Variants in PTPRD observed in about 807,000 individuals in gnomAD.
PTPRD encodes the protein receptor-type tyrosine-protein phosphatase delta.
In PTPRD, 34 loss-of-function variants were observed where a neutral mutation model predicts 214.5. That is an observed-to-expected ratio of 0.16 (90% confidence interval 0.12 to 0.21). The LOEUF is 0.21. Among genes scored for constraint, PTPRD ranks in the 10% least tolerant of loss-of-function variants. The probability of loss-of-function intolerance (pLI) is 1.00; values close to 1 mark genes in which losing one functional copy is unlikely to be tolerated. For synonymous variants in PTPRD, 1,128 were observed against 845.7 expected (o/e 1.33, Z -5.79); for missense variants, 2,545 against 2,398.7 (o/e 1.06, Z -1.27).
intron 12 of PTPRD, among the ~76,000 whole-genome samples, chr9:8,689,245 G>C (rs982667469): frequency 1.3e-5 from 2 of 152,168 alleles, no homozygotes; most frequent in Non-Finnish European, 2.9e-5. Context: ...TGTGTGGATA[G>C]AAAGATGAAA....
chr9:10,164,716 A>G (rs917622185), intron 3 of PTPRD, among the ~76,000 whole-genome samples: 4 of 151,684 alleles, frequency 2.6e-5, no homozygotes, highest in African/African-American at 9.7e-5. Context: ...TACACAAAAG[A>G]GTATATTTTA....
In PTPRD at chr9:9,367,874, T is replaced by C. The variant is rs561002548; in HGVS notation, c.-203+29575A>G. The stretch of plus-strand genomic sequence containing the variant: ...GTATTCTGTTCCTAGAATAAGATAA[T>C]AGAGGTCTATTTTCTGTCTCTTCCA... On this transcript the variant is annotated intron_variant, in intron 9 of 45. Transcript: ENST00000381196. Among the ~76,000 whole-genome samples, 29 of 151,822 alleles carry C rather than the reference T, an allele frequency of 1.9e-4. No homozygotes were observed. The South Asian group carries it at 5.2e-3, about 27-fold the overall frequency.
At chr9:10,591,145 T>C (rs1319842) in intron 2 of PTPRD, among the ~76,000 whole-genome samples, 1 of 151,920 alleles carries the variant, frequency 6.6e-6, no homozygotes, top group Admixed American at 6.6e-5. Flanking sequence ...ACCTGTTTTG[T>C]GTGGACCCTG....
At chr9:10,136,506 C>CA (rs1293507451) in intron 3 of PTPRD, among the ~76,000 whole-genome samples, 2 of 151,870 alleles carry the variant, frequency 1.3e-5, no homozygotes, top group Admixed American at 6.6e-5. Context: ...AAATAAATTC[C>CA]AAAAAATAGA....
At chr9:8,758,547 G>C (rs140212557) in intron 11 of PTPRD, among the ~76,000 whole-genome samples, 170 of 152,168 alleles carry the variant, frequency 1.1e-3, no homozygotes, top group African/African-American at 3.8e-3. Flanking sequence ...AGAATGAAAG[G>C]CTCATAAATT....
intron 37 of PTPRD, among the ~76,000 whole-genome samples, chr9:8,385,758 A>G (rs1589223405): frequency 6.6e-6 from 1 of 152,116 alleles, no homozygotes; most frequent in African/African-American, 2.4e-5. Context: ...GGAATGTTCT[A>G]TTTTGGTCTG....
intron 4 of PTPRD, among the ~76,000 whole-genome samples, chr9:10,014,546 T>C (rs1038779272): frequency 6.6e-6 from 1 of 152,008 alleles, no homozygotes; most frequent in Non-Finnish European, 1.5e-5. Context: ...TGCATTTCCT[T>C]ACAAAATTAT....
At chr9:9,449,225 A>G (rs1249827677) in intron 8 of PTPRD, among the ~76,000 whole-genome samples, 1 of 152,074 alleles carries the variant, frequency 6.6e-6, no homozygotes, top group East Asian at 1.9e-4. Flanking sequence ...ATAACTTACC[A>G]TTTTGGAATT....
At chr9:10,483,265 C>T (rs781675625) in intron 2 of PTPRD, among the ~76,000 whole-genome samples, 9 of 151,936 alleles carry the variant, frequency 5.9e-5, no homozygotes, top group Non-Finnish European at 1.2e-4. Context: ...TTATTTCTCA[C>T]CATGTACAAA....
At chr9:8,886,184 G>T (rs2098485993) in intron 11 of PTPRD, among the ~76,000 whole-genome samples, 1 of 152,168 alleles carries the variant, frequency 6.6e-6, no homozygotes, top group Admixed American at 6.5e-5. Context: ...GATATTTGGG[G>T]ACATCTGGAG....
At chr9:10,122,671 T>C (rs1419305334) in intron 3 of PTPRD, among the ~76,000 whole-genome samples, 2 of 152,194 alleles carry the variant, frequency 1.3e-5, no homozygotes, top group Non-Finnish European at 2.9e-5. Flanking sequence ...TTCTAAATCA[T>C]CCTTAAAATT....
chr9:9,150,946 T>A (rs1227952586), intron 10 of PTPRD, among the ~76,000 whole-genome samples: 2 of 152,202 alleles, frequency 1.3e-5, no homozygotes, highest in Non-Finnish European at 2.9e-5. Flanking sequence ...GCAAAGATTT[T>A]TGAGATAGAA....
At chr9:9,375,477 T>C (rs10119940) in intron 9 of PTPRD, among the ~76,000 whole-genome samples, 5,581 of 152,078 alleles carry the variant, frequency 0.037, 321 homozygotes, top group African/African-American at 0.13. Flanking sequence ...GTGCCTGTAA[T>C]CCCAGCTACT....
chr9:9,431,801 G>C (rs2083248263), intron 8 of PTPRD, among the ~76,000 whole-genome samples: 1 of 149,706 alleles, frequency 6.7e-6, no homozygotes, highest in Admixed American at 6.8e-5. Context: ...ACTATCACAA[G>C]GACAGAAAAC....
At chr9:8,329,251 T>C (rs965799797) in intron 44 of PTPRD, among the ~76,000 whole-genome samples, 8 of 152,134 alleles carry the variant, frequency 5.3e-5, no homozygotes, top group African/African-American at 1.7e-4. Context: ...TGTCTGTTTG[T>C]TATTTTCCTT....
rs1170653484 is a variant in PTPRD, at chr9:10,033,704, T to A, written c.-472+14A>T. The A allele has an allele frequency of 6.6e-6, 1 of 152,100 alleles. No homozygotes were observed. Among genetic ancestry groups the A allele is most frequent in the African/African-American group, 2.4e-5 (1 of 41,424 alleles). 9.4% of individuals were successfully genotyped at this position (152,100 alleles called of 1,614,324 possible). A position where few individuals can be genotyped will look rare whatever the true frequency, so the allele number is the denominator to read the frequency against. On this transcript the variant is annotated intron_variant, in intron 4 of 45. Coordinates refer to ENST00000381196, the MANE Select transcript of PTPRD (RefSeq NM_002839.4). The stretch of plus-strand genomic sequence containing the variant: ...TGAGCATTAAAAAGAAAAATTAGAA[T>A]GAGTGAGACTTACCAATGTACAGCT...
chr9:8,862,263 G>A (rs1179493345), intron 11 of PTPRD: 1 of 152,310 alleles, frequency 6.6e-6, no homozygotes, highest in Non-Finnish European at 1.5e-5. Context: ...GGCTGAGACA[G>A]GAGAATTGCT....
At chr9:8,414,971 G>C (rs955385085) in intron 35 of PTPRD, among the ~76,000 whole-genome samples, 113 of 144,764 alleles carry the variant, frequency 7.8e-4, no homozygotes, top group South Asian at 2.4e-3. Context: ...GAGAGAGAGA[G>C]AGACAGACAG....
At chr9:10,476,365 G>A (rs1291526597) in intron 2 of PTPRD, among the ~76,000 whole-genome samples, 1 of 152,088 alleles carries the variant, frequency 6.6e-6, no homozygotes, top group African/African-American at 2.4e-5. Flanking sequence ...GCCAAATCAT[G>A]AGTGAACTCC....
Sources: gnomAD v4.1 joint callset for allele counts (sites outside exome capture counted in the v4.1 genomes callset) on GRCh38, gnomAD v4.1.1 for gene constraint, MANE v1.5 for transcripts, NCBI Gene and HGNC (gene_info 2026-07-23, HGNC 2026-07-21) for gene names.